The following CFAP43 variants were observed in gnomAD, a reference collection of about 807,000 sequenced individuals.
The protein encoded by CFAP43 is cilia- and flagella-associated protein 43.
Under a neutral mutation model 218.9 loss-of-function variants are expected in CFAP43, and 155 were observed. The observed-to-expected ratio is 0.71, with a 90% confidence interval of 0.62 to 0.81. The LOEUF (loss-of-function observed/expected upper bound fraction) is 0.81, where lower values mean the gene tolerates loss of function less well. Ranked by LOEUF, CFAP43 falls within the 30% of genes least tolerant of loss-of-function variation. The pLI is 0.00. For synonymous variants in CFAP43, 645 were observed against 681.3 expected, an observed-to-expected ratio of 0.95 and a Z score of 0.83; for missense variants, 1,778 against 1,954.3, an observed-to-expected ratio of 0.91 and a Z score of 1.70.
chr10:104,225,108 A>G (rs1295877033), intron 3 of CFAP43, among the ~76,000 whole-genome samples: 1 of 152,226 alleles, frequency 6.6e-6, no homozygotes, highest in African/African-American at 2.4e-5. Flanking sequence ...TCTAATATAG[A>G]GACCATCTCA....
intron 5 of CFAP43, among the ~76,000 whole-genome samples, chr10:104,208,440 T>A (rs1307052650): frequency 1.3e-5 from 2 of 152,216 alleles, no homozygotes; most frequent in Admixed American, 1.3e-4. Flanking sequence ...TATGTGGCTT[T>A]TTTTTCTTTA....
Position 104,207,832 on chromosome 10 carries a change from G to T in CFAP43, c.736-8C>A, listed in dbSNP as rs779245486. 1 of 1,609,104 alleles carries T rather than the reference G, an allele frequency of 6.2e-7. No homozygotes were observed. Among genetic ancestry groups the T allele is most frequent in the Admixed American group, 1.7e-5 (1 of 58,910 alleles). On this transcript the variant is annotated splice_region_variant and splice_polypyrimidine_tract_variant and intron_variant, in intron 5 of 37. Transcript: ENST00000357060. ...ATATAGATCATCTTTCGGCTTCAGG[G>T]AGAGAATAAAACCTTGTGTTAAGAA... is the stretch of plus-strand genomic sequence containing the variant.
chr10:104,152,130 G>C (rs2088291230), intron 28 of CFAP43, among the ~76,000 whole-genome samples: 1 of 152,042 alleles, frequency 6.6e-6, no homozygotes, highest in Non-Finnish European at 1.5e-5. Context: ...AAAGCCCTTT[G>C]CTATTTGCTG....
intron 33 of CFAP43, 38 bp from the exon 34 acceptor site, chr10:104,141,039 A>G: frequency 6.4e-7 from 1 of 1,562,856 alleles, no homozygotes; most frequent in Non-Finnish European, 8.7e-7. Flanking sequence ...TAGTTGTAAT[A>G]TATTTCAAAT....
At chr10:104,138,221 C>T (rs11191931) in intron 34 of CFAP43, among the ~76,000 whole-genome samples, 22,482 of 152,174 alleles carry the variant, frequency 0.15, 1,851 homozygotes, top group South Asian at 0.2. Flanking sequence ...CATTTTACCT[C>T]TGTGGTCTCT....
chr10:104,131,264 C>T, intron 37 of CFAP43, 67 bp downstream of exon 37: 1 of 1,536,622 alleles, frequency 6.5e-7, no homozygotes, highest in Non-Finnish European at 8.8e-7. Context: ...CTGTTGTATA[C>T]ATTTTAGGAT....
At chr10:104,208,877 A>G (rs2090773199) in intron 5 of CFAP43, among the ~76,000 whole-genome samples, 1 of 152,216 alleles carries the variant, frequency 6.6e-6, no homozygotes, top group African/African-American at 2.4e-5. Flanking sequence ...CCCAGATAAC[A>G]TCTGCCTTTG....
chr10:104,213,264 C>G (rs990306892), intron 4 of CFAP43, among the ~76,000 whole-genome samples: 1 of 152,152 alleles, frequency 6.6e-6, no homozygotes, highest in African/African-American at 2.4e-5. Flanking sequence ...GGCGATTTAT[C>G]AAAATTGCAA....
At chr10:104,183,239 A>G (rs1324716578) in intron 16 of CFAP43, among the ~76,000 whole-genome samples, 1 of 152,228 alleles carries the variant, frequency 6.6e-6, no homozygotes. Flanking sequence ...ATTCTGACTC[A>G]GAAAGTCCAG....
intron 17 of CFAP43, among the ~76,000 whole-genome samples, chr10:104,180,173 T>C (rs1324187201): frequency 2.0e-5 from 3 of 152,266 alleles, no homozygotes; most frequent in African/African-American, 4.8e-5. Context: ...CCAGTCACAC[T>C]GTCACCACTC....
At chr10:104,173,460 C>T (rs1224505883) in intron 19 of CFAP43, among the ~76,000 whole-genome samples, 2 of 152,164 alleles carry the variant, frequency 1.3e-5, no homozygotes, top group Non-Finnish European at 2.9e-5. Flanking sequence ...AGAGTGCTGG[C>T]AGGTTGATTA....
At position 104,205,959 on chromosome 10, in the gene CFAP43, T is replaced by C. The variant is rs1014479741; in HGVS notation, c.963+4A>G. 1.9e-6 allele frequency: 3 copies of C among 1,604,582 alleles called. No homozygotes were observed. The highest frequency in any genetic ancestry group is 2.5e-6 in the Non-Finnish European group (3 of 1,177,512). On this transcript the variant is annotated splice_donor_region_variant and intron_variant, in intron 7 of 37. Transcript: ENST00000357060. The stretch of plus-strand genomic sequence containing the variant: ...CAATTAATTTGAAAAAAAGAATACA[T>C]TACAATTCCAGAAGCCAGCACGCCC...
chr10:104,132,560 A>G (rs1330883161), intron 35 of CFAP43: 2 of 780,562 alleles, frequency 2.6e-6, no homozygotes, highest in East Asian at 2.5e-4. Context: ...GGTTGTAGTG[A>G]GCGGATATCA....
intron 10 of CFAP43, among the ~76,000 whole-genome samples, chr10:104,196,282 C>G (rs2090379833): frequency 6.6e-6 from 1 of 152,214 alleles, no homozygotes; most frequent in Non-Finnish European, 1.5e-5. Flanking sequence ...GCCAATAACA[C>G]TTACTTTTTA....
intron 3 of CFAP43, among the ~76,000 whole-genome samples, chr10:104,224,754 CAAAAAA>C (rs66877503): frequency 1.0e-4 from 7 of 70,178 alleles, no homozygotes; most frequent in African/African-American, 5.1e-5. Flanking sequence ...GACTCCATCT[CAAAAAA>C]AAAAAAAAAA....
At chr10:104,182,331 T>G (rs781765076) in intron 17 of CFAP43, 35 bp downstream of exon 17, 2 of 1,496,910 alleles carry the variant, frequency 1.3e-6, no homozygotes, top group Non-Finnish European at 1.8e-6. Context: ...AAGAAAGAAA[T>G]GTAAGCAAGC....
At position 104,131,312 on chromosome 10, in the gene CFAP43, GA is replaced by G. The variant is rs750429998; in HGVS notation, c.4831+18del. 4.4e-6 allele frequency: 7 copies of G among 1,595,472 alleles called. No homozygotes were observed. The highest frequency in any genetic ancestry group is 2.7e-5 in the African/African-American group (2 of 73,514). On this transcript the variant is annotated intron_variant, in intron 37 of 37. Coordinates refer to ENST00000357060, the MANE Select transcript of CFAP43 (RefSeq NM_025145.7). Reference sequence around the variant, plus strand: ...TTAAAGAAACCTACAGTTGGTTAAAGAAAAAAAAGCATGCTTACCCATTGCA... The same window carrying G: ...TTAAAGAAACCTACAGTTGGTTAAAGAAAAAAAGCATGCTTACCCATTGCA...
rs775645707 is a variant in CFAP43, at chr10:104,133,636, G to GA, written c.4579dup (p.Ser1527PhefsTer10). The stretch of plus-strand genomic sequence containing the variant: ...AGAATTTACCTTTTGACGATCTCTT[G>GA]AAAAAAATAGCATCTGAATATCCCA... On this transcript the variant is annotated frameshift_variant, in exon 35 of 38. Transcript: ENST00000357060. LOFTEE classifies it high-confidence loss of function. 22 of 1,610,866 alleles carry GA rather than the reference G, an allele frequency of 1.4e-5. No individual in the cohort carries two copies. Among genetic ancestry groups the GA allele is most frequent in the East Asian group, 4.5e-5 (2 of 44,744 alleles).
intron 12 of CFAP43, among the ~76,000 whole-genome samples, chr10:104,189,679 C>A (rs1369759228): frequency 2.0e-5 from 3 of 152,140 alleles, no homozygotes; most frequent in Non-Finnish European, 4.4e-5. Context: ...TTCCCAGCTT[C>A]TTCCATCCCA....
Sources: allele counts gnomAD v4.1 joint callset (sites outside exome capture counted in the v4.1 genomes callset), GRCh38; gene constraint gnomAD v4.1.1; transcripts MANE v1.5; gene names NCBI Gene and HGNC (gene_info 2026-07-23, HGNC 2026-07-21).